Variants in IDO2 observed in about 807,000 individuals in gnomAD.
The protein encoded by IDO2 is indoleamine 2,3-dioxygenase-like 1 protein.
In IDO2, 46 loss-of-function variants were observed where a neutral mutation model predicts 45.1. The ratio of observed to expected loss-of-function variants is 1.02; its 90% CI spans 0.80 to 1.30. The LOEUF is 1.30. Ranked by LOEUF, IDO2 falls within the 50% of genes most tolerant of loss-of-function variation. IDO2 has a pLI of 0.00. For synonymous variants in IDO2, 218 were observed against 184.9 expected (o/e 1.18, Z -1.45); for missense variants, 544 against 491.8 (o/e 1.11, Z -1.00).
chr8:39,980,132 T>C (rs1442050173), intron 4 of IDO2, among the ~76,000 whole-genome samples: 1 of 152,188 alleles, frequency 6.6e-6, no homozygotes, highest in Non-Finnish European at 1.5e-5. Context: ...GAAGACAGAC[T>C]CTGAGAATTC....
chr8:40,006,319 G>A (rs544937807), intron 9 of IDO2, among the ~76,000 whole-genome samples: 3 of 152,268 alleles, frequency 2.0e-5, no homozygotes, highest in South Asian at 2.1e-4. Flanking sequence ...TAAGCTTTGC[G>A]TTAGGTGATT....
At chr8:39,971,761 G>A (rs1468407818) in intron 3 of IDO2, among the ~76,000 whole-genome samples, 1 of 152,106 alleles carries the variant, frequency 6.6e-6, no homozygotes, top group Non-Finnish European at 1.5e-5. Context: ...AATTAGAAGT[G>A]GAATCTGATT....
At chr8:40,014,094 C>T (rs1055246259) in intron 10 of IDO2, among the ~76,000 whole-genome samples, 3 of 152,128 alleles carry the variant, frequency 2.0e-5, no homozygotes, top group Non-Finnish European at 4.4e-5. Flanking sequence ...AGTCCTTCCC[C>T]ACAAAATGGT....
chr8:40,011,107 C>T (rs1802303487), intron 9 of IDO2, among the ~76,000 whole-genome samples: 1 of 152,152 alleles, frequency 6.6e-6, no homozygotes, highest in South Asian at 2.1e-4. Context: ...AATGGGGTTT[C>T]ACCATGTTGA....
At chr8:39,965,738 T>C (rs960791265) in intron 3 of IDO2, among the ~76,000 whole-genome samples, 1 of 152,088 alleles carries the variant, frequency 6.6e-6, no homozygotes, top group Non-Finnish European at 1.5e-5. Context: ...AAACATCACG[T>C]GAAGATGGAG....
At chr8:39,993,826 G>T (rs1801986035) in intron 8 of IDO2, among the ~76,000 whole-genome samples, 1 of 152,070 alleles carries the variant, frequency 6.6e-6, no homozygotes, top group Non-Finnish European at 1.5e-5. Flanking sequence ...AGCCAACGTG[G>T]TGAAACCCCA....
chr8:39,960,647 A>G (rs1807978546), intron 2 of IDO2, among the ~76,000 whole-genome samples: 1 of 152,234 alleles, frequency 6.6e-6, no homozygotes, highest in Non-Finnish European at 1.5e-5. Flanking sequence ...ACATAGATAA[A>G]CTAATATATA....
At chr8:39,977,860 G>A (rs566151888) in intron 3 of IDO2, among the ~76,000 whole-genome samples, 2 of 152,286 alleles carry the variant, frequency 1.3e-5, no homozygotes, top group East Asian at 1.9e-4. Flanking sequence ...TACATGAGAT[G>A]TTTTGATACA....
intron 9 of IDO2, among the ~76,000 whole-genome samples, chr8:40,008,776 C>T (rs965713580): frequency 1.3e-5 from 2 of 152,184 alleles, no homozygotes; most frequent in South Asian, 2.1e-4. Flanking sequence ...AAAATAAATT[C>T]GGAGTCATTG....
chr8:39,991,565 CTTTTTT>C (rs61354300), intron 8 of IDO2, among the ~76,000 whole-genome samples: 3 of 103,330 alleles, frequency 2.9e-5, no homozygotes, highest in East Asian at 5.5e-4. Context: ...AGACTCACTT[CTTTTTT>C]TTTTTTTTTT....
At chr8:39,942,766 G>T (rs1807663885) in intron 1 of IDO2, among the ~76,000 whole-genome samples, 1 of 152,144 alleles carries the variant, frequency 6.6e-6, no homozygotes, top group Non-Finnish European at 1.5e-5. Context: ...CATAAATCTT[G>T]GGTGATTCGT....
intron 6 of IDO2, 86 bp from the exon 7 acceptor site, chr8:39,987,785 T>C: frequency 1.3e-6 from 1 of 754,292 alleles, no homozygotes. Flanking sequence ...ACCCTGCAGT[T>C]ATCTAACTCG....
chr8:39,945,950 CAA>C (rs1807721498), intron 1 of IDO2, among the ~76,000 whole-genome samples: 2 of 152,170 alleles, frequency 1.3e-5, no homozygotes, highest in Non-Finnish European at 2.9e-5. Flanking sequence ...TAGTTTAAAA[CAA>C]AGATAGTAAC....
At chr8:40,010,358 A>G (rs931216800) in intron 9 of IDO2, among the ~76,000 whole-genome samples, 1 of 152,288 alleles carries the variant, frequency 6.6e-6, no homozygotes, top group East Asian at 1.9e-4. Context: ...TCAGGGGAGA[A>G]TAAGAAAGAG....
chr8:39,947,110 C>T (rs967190054), intron 1 of IDO2, among the ~76,000 whole-genome samples: 4 of 142,770 alleles, frequency 2.8e-5, no homozygotes, highest in African/African-American at 7.7e-5. Context: ...GAGCAGAGAT[C>T]GCGCCACTGC....
intron 3 of IDO2, among the ~76,000 whole-genome samples, chr8:39,964,111 T>C (rs1044193248): frequency 1.3e-5 from 2 of 152,222 alleles, no homozygotes; most frequent in African/African-American, 4.8e-5. Flanking sequence ...CTAGGTGTTA[T>C]AGAATAGTTA....
At chr8:39,940,566 A>G (rs62512645) in intron 1 of IDO2, among the ~76,000 whole-genome samples, 28,057 of 152,142 alleles carry the variant, frequency 0.18, 3,001 homozygotes, top group South Asian at 0.32. Context: ...ATCTTAAAAG[A>G]TAAGTGGGGT....
intron 2 of IDO2, among the ~76,000 whole-genome samples, chr8:39,958,091 G>A (rs1368030695): frequency 6.6e-6 from 1 of 151,946 alleles, no homozygotes; most frequent in Non-Finnish European, 1.5e-5. Flanking sequence ...ATTTCTACTA[G>A]AGACGTGGTT....
At chr8:39,995,142 T>A (rs1335662732) in intron 8 of IDO2, 2 of 122,662 alleles carry the variant, frequency 1.6e-5, no homozygotes, top group African/African-American at 6.0e-5. Flanking sequence ...ATTCTTATTA[T>A]TCTTCTTCTT....
Sources: allele counts gnomAD v4.1 joint callset (sites outside exome capture counted in the v4.1 genomes callset), GRCh38; gene constraint gnomAD v4.1.1; transcripts MANE v1.5; gene names NCBI Gene and HGNC (gene_info 2026-07-23, HGNC 2026-07-21).